Variants in SCFD2 observed in about 807,000 individuals in gnomAD.
SCFD2 encodes sec1 family domain containing 2, also known as sec1 family domain-containing protein 2.
A neutral mutation model predicts 58.9 loss-of-function variants in SCFD2; 54 were observed. The ratio of observed to expected loss-of-function variants is 0.92; its 90% confidence interval spans 0.74 to 1.15. The LOEUF (loss-of-function observed/expected upper bound fraction) is 1.15, where lower values mean the gene tolerates loss of function less well. Ranked by LOEUF, SCFD2 falls within the 50% of genes most tolerant of loss-of-function variation. The pLI is 0.00. For synonymous variants in SCFD2, 321 were observed against 335.9 expected (o/e 0.96, Z 0.49); for missense variants, 805 against 836.6 (o/e 0.96, Z 0.47).
At chr4:52,960,992 G>A (rs956836284) in intron 5 of SCFD2, among the ~76,000 whole-genome samples, 1 of 152,184 alleles carries the variant, frequency 6.6e-6, no homozygotes, top group Non-Finnish European at 1.5e-5. Context: ...TGGGGGAAGT[G>A]GGACCTGAGC....
At chr4:53,283,930 A>G (rs867448527) in intron 3 of SCFD2, among the ~76,000 whole-genome samples, 3 of 151,876 alleles carry the variant, frequency 2.0e-5, no homozygotes, top group Admixed American at 1.3e-4. Context: ...ATCCTGGTTA[A>G]CACAGTGAAA....
At chr4:52,967,849 G>A (rs1454342015) in intron 5 of SCFD2, among the ~76,000 whole-genome samples, 1 of 152,082 alleles carries the variant, frequency 6.6e-6, no homozygotes, top group Non-Finnish European at 1.5e-5. Flanking sequence ...GCACAATTCT[G>A]TCTCTTCCTT....
intron 5 of SCFD2, among the ~76,000 whole-genome samples, chr4:53,048,509 G>A (rs570651071): frequency 1.3e-5 from 2 of 152,346 alleles, no homozygotes; most frequent in East Asian, 3.9e-4. Flanking sequence ...GCTGAGGCAG[G>A]AAGATCCCTT....
intron 4 of SCFD2, among the ~76,000 whole-genome samples, chr4:53,242,590 G>C (rs1277955202): frequency 6.6e-6 from 1 of 152,202 alleles, no homozygotes; most frequent in Non-Finnish European, 1.5e-5. Flanking sequence ...CCCTCCAAAT[G>C]ACTGCACTAG....
At chr4:53,171,288 T>A (rs1385036714) in intron 4 of SCFD2, among the ~76,000 whole-genome samples, 3 of 152,240 alleles carry the variant, frequency 2.0e-5, no homozygotes, top group Non-Finnish European at 1.5e-5. Context: ...TTTTTAACCT[T>A]CATTCTGTTA....
intron 3 of SCFD2, among the ~76,000 whole-genome samples, chr4:53,309,595 C>A (rs1732626086): frequency 6.6e-6 from 1 of 151,982 alleles, no homozygotes; most frequent in Non-Finnish European, 1.5e-5. Context: ...GAATTATAAC[C>A]AGGCTGAACA....
intron 4 of SCFD2, among the ~76,000 whole-genome samples, chr4:53,181,806 A>T (rs959119829): frequency 6.6e-6 from 1 of 152,220 alleles, no homozygotes; most frequent in African/African-American, 2.4e-5. Flanking sequence ...ACTTCAGCAA[A>T]GTCTCAGGAT....
At chr4:53,340,046 G>A (rs1453807924) in intron 2 of SCFD2, among the ~76,000 whole-genome samples, 3 of 152,172 alleles carry the variant, frequency 2.0e-5, no homozygotes, top group Non-Finnish European at 4.4e-5. Flanking sequence ...GAGCAACGCA[G>A]AAGACAGGTG....
intron 3 of SCFD2, among the ~76,000 whole-genome samples, chr4:53,303,045 G>A (rs1018304373): frequency 2.6e-5 from 4 of 152,114 alleles, no homozygotes; most frequent in African/African-American, 9.7e-5. Flanking sequence ...GCATGGGCAA[G>A]GACTTCATGT....
At chr4:53,188,196 AAAAGC>A (rs1177578524) in intron 4 of SCFD2, among the ~76,000 whole-genome samples, 2 of 152,212 alleles carry the variant, frequency 1.3e-5, no homozygotes, top group Non-Finnish European at 2.9e-5. Context: ...AGCAAAAAGA[AAAAGC>A]AAAGCAAACA....
At chr4:53,339,040 G>GA (rs933298027) in intron 2 of SCFD2, among the ~76,000 whole-genome samples, 5 of 151,540 alleles carry the variant, frequency 3.3e-5, no homozygotes, top group African/African-American at 7.2e-5. Context: ...TCTCTAAATA[G>GA]AAAAAAAAGA....
chr4:52,907,253 T>G lies in SCFD2; in HGVS notation c.1842+204A>C, dbSNP rs1212187730. On this transcript the variant is annotated intron_variant, in intron 7 of 8. Transcript: ENST00000401642. The stretch of plus-strand genomic sequence containing the variant: ...ATGTGCTGACCAGAAAAGACCACAG[T>G]GCTCAGGTCAGAAGAAGCTGTATGA... Among the ~76,000 whole-genome samples, 7 of 152,372 alleles carry G rather than the reference T, an allele frequency of 4.6e-5. No homozygotes were observed. In the South Asian group the frequency reaches 1.4e-3, roughly 32 times the overall value.
chr4:53,082,969 C>T (rs909751305), intron 5 of SCFD2, among the ~76,000 whole-genome samples: 3 of 19,518 alleles, frequency 1.5e-4, no homozygotes, highest in Non-Finnish European at 5.7e-4. Context: ...TAATAAATAT[C>T]TGTCTCTCTT....
At chr4:53,162,334 G>A (rs1221717231) in intron 4 of SCFD2, among the ~76,000 whole-genome samples, 2 of 152,100 alleles carry the variant, frequency 1.3e-5, no homozygotes, top group African/African-American at 2.4e-5. Flanking sequence ...TGATACTGCT[G>A]CACTCCCAAG....
At chr4:53,220,028 T>C (rs1400167081) in intron 4 of SCFD2, among the ~76,000 whole-genome samples, 1 of 152,146 alleles carries the variant, frequency 6.6e-6, no homozygotes, top group Admixed American at 6.5e-5. Flanking sequence ...TACCTCTACC[T>C]AAAACTATCT....
chr4:53,233,595 C>T (rs1200771428), intron 4 of SCFD2, among the ~76,000 whole-genome samples: 2 of 152,136 alleles, frequency 1.3e-5, no homozygotes, highest in Non-Finnish European at 2.9e-5. Flanking sequence ...GTTTACATAG[C>T]CTATATATTC....
At chr4:53,291,313 GC>G (rs1464785860) in intron 3 of SCFD2, among the ~76,000 whole-genome samples, 6 of 152,054 alleles carry the variant, frequency 3.9e-5, no homozygotes, top group Non-Finnish European at 8.8e-5. Context: ...AAAATCACAA[GC>G]ATTTCTTTAC....
chr4:53,026,480 AC>A (rs1722476734), intron 5 of SCFD2, among the ~76,000 whole-genome samples: 2 of 152,226 alleles, frequency 1.3e-5, no homozygotes, highest in African/African-American at 2.4e-5. Flanking sequence ...CAGTCCTGCT[AC>A]AGCAACATAG....
At chr4:53,197,543 C>T (rs1416360064) in intron 4 of SCFD2, among the ~76,000 whole-genome samples, 7 of 151,968 alleles carry the variant, frequency 4.6e-5, no homozygotes, top group African/African-American at 1.7e-4. Flanking sequence ...TTCTTACCAC[C>T]TACCTATAAT....
Sources: gnomAD v4.1 joint callset for allele counts (sites outside exome capture counted in the v4.1 genomes callset) on GRCh38, gnomAD v4.1.1 for gene constraint, MANE v1.5 for transcripts, NCBI Gene and HGNC (gene_info 2026-07-23, HGNC 2026-07-21) for gene names.